ZBTB7C: variants seen among roughly 807,000 people sequenced by gnomAD.
ZBTB7C encodes zinc finger and BTB domain containing 7C.
In ZBTB7C, 8 loss-of-function variants were observed where a neutral mutation model predicts 25.7. The ratio of observed to expected loss-of-function variants is 0.31; its 90% CI spans 0.18 to 0.56. ZBTB7C has a LOEUF of 0.56. Ranked by LOEUF, ZBTB7C falls within the 20% of genes least tolerant of loss-of-function variation. The pLI is 0.91. For synonymous variants in ZBTB7C, 394 were observed against 369.0 expected, an observed-to-expected ratio of 1.07 and a Z score of -0.78; for missense variants, 824 against 855.2, an observed-to-expected ratio of 0.96 and a Z score of 0.46.
intron 3 of ZBTB7C, chr18:48,087,902 C>T (rs1162711880): frequency 6.6e-6 from 1 of 151,902 alleles, no homozygotes; most frequent in South Asian, 2.1e-4. Flanking sequence ...ATTGCTTTAG[C>T]CTTTTCCTCC....
At chr18:48,062,195 A>C (rs1231927147) in intron 3 of ZBTB7C, among the ~76,000 whole-genome samples, 1 of 152,180 alleles carries the variant, frequency 6.6e-6, no homozygotes, top group African/African-American at 2.4e-5. Context: ...TAACTTCAAA[A>C]CATAACAAAG....
chr18:48,344,047 C>T (rs1176625673), intron 1 of ZBTB7C, among the ~76,000 whole-genome samples: 5 of 152,164 alleles, frequency 3.3e-5, no homozygotes, highest in South Asian at 2.1e-4. Flanking sequence ...TGCAGTGGCA[C>T]GATCTCGGCT....
At chr18:48,357,515 G>T (rs1225885897) in intron 1 of ZBTB7C, among the ~76,000 whole-genome samples, 1 of 152,200 alleles carries the variant, frequency 6.6e-6, no homozygotes. Flanking sequence ...TCGTTTAGGT[G>T]CTGGAGGGCC....
chr18:48,280,602 ACCC>A (rs927637544), intron 2 of ZBTB7C, among the ~76,000 whole-genome samples: 6 of 152,146 alleles, frequency 3.9e-5, no homozygotes, highest in African/African-American at 1.2e-4. Flanking sequence ...GACTAGCCAC[ACCC>A]CCAACTCTGA....
intron 3 of ZBTB7C, among the ~76,000 whole-genome samples, chr18:48,155,610 C>T (rs910961739): frequency 6.6e-6 from 1 of 152,140 alleles, no homozygotes; most frequent in East Asian, 1.9e-4. Flanking sequence ...GCTGGGATTA[C>T]AGGCGTGAGC....
intron 2 of ZBTB7C, among the ~76,000 whole-genome samples, chr18:48,270,221 C>T (rs1598744199): frequency 6.7e-6 from 1 of 149,750 alleles, no homozygotes; most frequent in Non-Finnish European, 1.5e-5. Flanking sequence ...AACTAATTAC[C>T]AAAACCTAAA....
intron 3 of ZBTB7C, among the ~76,000 whole-genome samples, chr18:48,065,693 A>C (rs2037302645): frequency 6.6e-6 from 1 of 152,180 alleles, no homozygotes; most frequent in Non-Finnish European, 1.5e-5. Context: ...TCTGGGATAC[A>C]AGCCTGGAGG....
intron 1 of ZBTB7C, among the ~76,000 whole-genome samples, chr18:48,392,078 T>G (rs1002342499): frequency 2.0e-5 from 3 of 152,200 alleles, no homozygotes; most frequent in African/African-American, 7.2e-5. Context: ...TCGTTGGCTT[T>G]CTGCTCCACA....
Position 48,294,790 on chromosome 18 carries a change from T to C in ZBTB7C, c.-79+43384A>G, listed in dbSNP as rs530413557. Among the ~76,000 whole-genome samples, 7 of 152,192 alleles carry C rather than the reference T, an allele frequency of 4.6e-5. No individual in the cohort carries two copies. In the South Asian group the frequency reaches 1.5e-3, roughly 32 times the overall value. ...CCCAGGGCTGTGGCAGGGAAGGCTA[T>C]CTTGGCTCCATGAGTCAGCTAAGTG... is the stretch of plus-strand genomic sequence containing the variant. On this transcript the variant is annotated intron_variant, in intron 2 of 4. Transcript: ENST00000590800.
chr18:48,281,205 G>A (rs1390724430), intron 2 of ZBTB7C, among the ~76,000 whole-genome samples: 1 of 152,000 alleles, frequency 6.6e-6, no homozygotes, highest in Non-Finnish European at 1.5e-5. Context: ...AACAAGCAAT[G>A]GGGAAAGGAG....
At chr18:48,119,515 TG>T (rs1441821583) in intron 3 of ZBTB7C, among the ~76,000 whole-genome samples, 1 of 152,264 alleles carries the variant, frequency 6.6e-6, no homozygotes, top group Non-Finnish European at 1.5e-5. Flanking sequence ...CTTGGAGGAA[TG>T]GGGGCATTTC....
intron 2 of ZBTB7C, among the ~76,000 whole-genome samples, chr18:48,230,831 C>T (rs2043231415): frequency 6.6e-6 from 1 of 152,214 alleles, no homozygotes; most frequent in South Asian, 2.1e-4. Flanking sequence ...AAGCCCCCTG[C>T]CCCTACAGGC....
intron 3 of ZBTB7C, among the ~76,000 whole-genome samples, chr18:48,135,062 A>G (rs774291268): frequency 1.1e-4 from 16 of 152,060 alleles, no homozygotes; most frequent in Non-Finnish European, 2.4e-4. Flanking sequence ...GCTTCTCAAC[A>G]GCAATGCTTC....
chr18:48,334,493 C>T (rs1488182680), intron 2 of ZBTB7C, among the ~76,000 whole-genome samples: 2 of 152,162 alleles, frequency 1.3e-5, no homozygotes, highest in Non-Finnish European at 2.9e-5. Context: ...AGGTAGGGAA[C>T]TAAGAGTCTC....
intron 1 of ZBTB7C, among the ~76,000 whole-genome samples, chr18:48,399,123 C>T (rs1049802287): frequency 2.6e-5 from 4 of 152,156 alleles, no homozygotes; most frequent in Admixed American, 2.0e-4. Flanking sequence ...AGATTCAATG[C>T]GTGAGATAAG....
chr18:48,324,954 C>T (rs1380654708), intron 2 of ZBTB7C, among the ~76,000 whole-genome samples: 3 of 152,100 alleles, frequency 2.0e-5, no homozygotes, highest in African/African-American at 4.8e-5. Context: ...CGAGAGGGTG[C>T]GTAGAAGCAG....
chr18:48,253,630 CA>C (rs1357789034), intron 2 of ZBTB7C, among the ~76,000 whole-genome samples: 1 of 152,078 alleles, frequency 6.6e-6, no homozygotes, highest in Non-Finnish European at 1.5e-5. Context: ...GACAGAGCAC[CA>C]GAGAGAAGAG....
In ZBTB7C at chr18:48,227,051, G is replaced by GA. The variant is rs368223658; in HGVS notation, c.-78-41057dup. Among the ~76,000 whole-genome samples the GA allele has an allele frequency of 2.8e-3, 393 of 140,178 alleles. 4 individuals carry two copies. The highest frequency in any genetic ancestry group is 0.027 in the Middle Eastern group (7 of 264). 92.0% of individuals were successfully genotyped at this position (140,178 alleles called of 152,430 possible). A position where few individuals can be genotyped will look rare whatever the true frequency, so the allele number is the denominator to read the frequency against. ...AAAAAAAAAAAAAGAAAAAGAAAAA[G>GA]AAAAAAAAAAGAGTTAGCTATATAC... On this transcript the variant is annotated intron_variant, in intron 2 of 4. Transcript: ENST00000590800.
intron 2 of ZBTB7C, among the ~76,000 whole-genome samples, chr18:48,283,147 T>C (rs1314020570): frequency 1.3e-5 from 2 of 152,152 alleles, no homozygotes; most frequent in African/African-American, 4.8e-5. Context: ...CCTTAAAAAA[T>C]TTCATATCCT....
Sources: gnomAD v4.1 joint callset for allele counts (sites outside exome capture counted in the v4.1 genomes callset) on GRCh38, gnomAD v4.1.1 for gene constraint, MANE v1.5 for transcripts, NCBI Gene and HGNC (gene_info 2026-07-23, HGNC 2026-07-21) for gene names.